Variants in SMARCC1 observed in about 807,000 individuals in gnomAD.
SMARCC1 encodes the protein SWI/SNF complex subunit SMARCC1.
Under a neutral mutation model 147.4 loss-of-function variants are expected in SMARCC1, and 43 were observed. That is an observed-to-expected ratio of 0.29 (90% CI 0.23 to 0.38). SMARCC1 has a LOEUF of 0.38. Among genes scored for constraint, SMARCC1 ranks in the 10% least tolerant of loss-of-function variants. SMARCC1 has a pLI of 1.00. For synonymous variants in SMARCC1, 495 were observed against 484.4 expected, an observed-to-expected ratio of 1.02 and a Z score of -0.29; for missense variants, 1,119 against 1,381.1, an observed-to-expected ratio of 0.81 and a Z score of 3.01.
chr3:47,707,313 A>T (rs1171984923), intron 9 of SMARCC1, among the ~76,000 whole-genome samples: 2 of 146,094 alleles, frequency 1.4e-5, no homozygotes, highest in South Asian at 4.6e-4. Flanking sequence ...CTCCGTCTCA[A>T]AGAAGGAAAA....
At chr3:47,727,503 A>C (rs1324081451) in intron 6 of SMARCC1, among the ~76,000 whole-genome samples, 2 of 152,016 alleles carry the variant, frequency 1.3e-5, no homozygotes, top group African/African-American at 2.4e-5. Flanking sequence ...CAAAGACTAC[A>C]TCTCAAAAAA....
At chr3:47,604,441 GTAAGC>G (rs1384141165) in intron 26 of SMARCC1, 2 of 381,536 alleles carry the variant, frequency 5.2e-6, no homozygotes, top group African/African-American at 4.2e-5. Context: ...AGCTCCCAAT[GTAAGC>G]TGTGGCCTGT....
chr3:47,778,426 C>G (rs1287273711), intron 1 of SMARCC1, among the ~76,000 whole-genome samples: 1 of 151,812 alleles, frequency 6.6e-6, no homozygotes, highest in Admixed American at 6.6e-5. Context: ...CTCCAAGGAC[C>G]CTGCCTCAGC....
chr3:47,598,974 C>A (rs1487079808), intron 26 of SMARCC1, among the ~76,000 whole-genome samples: 1 of 151,888 alleles, frequency 6.6e-6, no homozygotes, highest in Non-Finnish European at 1.5e-5. Context: ...CTGCAAGCCA[C>A]CGGAAGTTGG....
At chr3:47,633,775 T>TACAC (rs778383062) in intron 24 of SMARCC1, among the ~76,000 whole-genome samples, 17 of 18,636 alleles carry the variant, frequency 9.1e-4, no homozygotes, top group African/African-American at 1.5e-3. Context: ...TATATATATA[T>TACAC]ATATACACAC....
At chr3:47,772,680 T>G in intron 2 of SMARCC1, 137 bp downstream of exon 2, 1 of 721,278 alleles carries the variant, frequency 1.4e-6, no homozygotes, top group Non-Finnish European at 2.2e-6. Context: ...AGTAATATTC[T>G]ATAACTAAAA....
At chr3:47,635,712 ACTT>A (rs1264992434) in intron 23 of SMARCC1, among the ~76,000 whole-genome samples, 1 of 152,230 alleles carries the variant, frequency 6.6e-6, no homozygotes, top group African/African-American at 2.4e-5. Flanking sequence ...AGAACAGACT[ACTT>A]CTCTAAGCCT....
At chr3:47,611,711 T>C (rs1014438926) in intron 25 of SMARCC1, among the ~76,000 whole-genome samples, 2 of 152,166 alleles carry the variant, frequency 1.3e-5, no homozygotes, top group African/African-American at 2.4e-5. Flanking sequence ...ATCTGGGCCT[T>C]TGGCAGAGGG....
At chr3:47,667,746 G>A (rs2033440388) in intron 19 of SMARCC1, among the ~76,000 whole-genome samples, 2 of 152,040 alleles carry the variant, frequency 1.3e-5, no homozygotes, top group South Asian at 2.1e-4. Context: ...GCATGGTGGC[G>A]CGTGCCTGTA....
intron 1 of SMARCC1, among the ~76,000 whole-genome samples, chr3:47,774,395 G>A (rs922262483): frequency 2.6e-5 from 4 of 151,796 alleles, no homozygotes; most frequent in Non-Finnish European, 5.9e-5. Flanking sequence ...GCCAGACTCC[G>A]TCTCAAATAA....
At chr3:47,669,911 C>T (rs951209073) in intron 19 of SMARCC1, among the ~76,000 whole-genome samples, 4 of 152,138 alleles carry the variant, frequency 2.6e-5, no homozygotes, top group Admixed American at 1.3e-4. Flanking sequence ...AGGAGGACTG[C>T]GATGTCAAAC....
chr3:47,776,576 C>A (rs1212490561), intron 1 of SMARCC1, among the ~76,000 whole-genome samples: 5 of 152,176 alleles, frequency 3.3e-5, no homozygotes, highest in Non-Finnish European at 2.9e-5. Context: ...GCACTCCAGC[C>A]TGGGTGACCC....
chr3:47,766,702 ATT>A (rs2034844961), intron 2 of SMARCC1, among the ~76,000 whole-genome samples: 1 of 151,846 alleles, frequency 6.6e-6, no homozygotes, highest in Admixed American at 6.6e-5. Flanking sequence ...GGTAAAATAT[ATT>A]TTTCTTTTTT....
At chr3:47,748,615 T>C (rs1286204243) in intron 2 of SMARCC1, among the ~76,000 whole-genome samples, 1 of 152,152 alleles carries the variant, frequency 6.6e-6, no homozygotes, top group African/African-American at 2.4e-5. Context: ...GATCTGTGCT[T>C]TACAGATTAA....
intron 1 of SMARCC1, among the ~76,000 whole-genome samples, chr3:47,773,773 G>A (rs1181558705): frequency 3.3e-5 from 5 of 151,828 alleles, no homozygotes. Flanking sequence ...GGGACTACAG[G>A]CGCGCAACCA....
intron 21 of SMARCC1, among the ~76,000 whole-genome samples, chr3:47,644,752 C>T (rs1482611534): frequency 2.0e-5 from 3 of 152,130 alleles, no homozygotes; most frequent in African/African-American, 7.2e-5. Flanking sequence ...AAGTGATCCG[C>T]CCGCCTCGGC....
intron 2 of SMARCC1, among the ~76,000 whole-genome samples, chr3:47,765,865 T>C (rs1343640670): frequency 6.6e-6 from 1 of 152,018 alleles, no homozygotes; most frequent in Non-Finnish European, 1.5e-5. Flanking sequence ...CCCGAGCAGC[T>C]GGGATTACAG....
intron 2 of SMARCC1, among the ~76,000 whole-genome samples, chr3:47,763,383 G>A (rs548492745): frequency 4.0e-4 from 59 of 147,858 alleles, no homozygotes; most frequent in African/African-American, 1.3e-3. Flanking sequence ...ACCAGCCTGG[G>A]CAACAATAGC....
intron 3 of SMARCC1, among the ~76,000 whole-genome samples, chr3:47,743,137 CACAG>C (rs1156789681): frequency 6.6e-6 from 1 of 152,150 alleles, no homozygotes; most frequent in Non-Finnish European, 1.5e-5. Context: ...AATTAAAGAA[CACAG>C]ACAAAGTTCT....
Sources: allele counts gnomAD v4.1 joint callset (sites outside exome capture counted in the v4.1 genomes callset), GRCh38; gene constraint gnomAD v4.1.1; transcripts MANE v1.5; gene names NCBI Gene and HGNC (gene_info 2026-07-23, HGNC 2026-07-21).